The following DLGAP2 variants were observed in gnomAD, a reference collection of about 807,000 sequenced individuals.
DLGAP2 encodes DLG associated protein 2, also known as disks large-associated protein 2.
Under a neutral mutation model 100.3 loss-of-function variants are expected in DLGAP2, and 26 were observed. That is an observed-to-expected ratio of 0.26 (90% confidence interval 0.19 to 0.36). The LOEUF is 0.36. Ranked by LOEUF, DLGAP2 falls within the 10% of genes least tolerant of loss-of-function variation. The pLI, the probability that DLGAP2 is intolerant of heterozygous loss-of-function variation, is 1.00. For missense variants in DLGAP2, 1,858 were observed against 1,453.2 expected (o/e 1.28, Z -4.53); for synonymous variants, 886 against 630.1 (o/e 1.41, Z -6.08).
intron 2 of DLGAP2, among the ~76,000 whole-genome samples, chr8:1,012,880 T>C (rs1478315341): frequency 2.0e-5 from 3 of 152,034 alleles, no homozygotes; most frequent in Non-Finnish European, 4.4e-5. Flanking sequence ...CTGAGACCAC[T>C]GTCCCATGAG....
Position 737,637 on chromosome 8 carries a change from G to T in DLGAP2, c.-171G>T. The stretch of plus-strand genomic sequence containing the variant: ...CAGGCGCCGGCCGTGAAGACCGACC[G>T]TGCGCCGGGCTCGAGCGCGGTCTGA... On this transcript the variant is annotated 5_prime_UTR_variant, in exon 1 of 15. Coordinates refer to ENST00000637795, the MANE Select transcript of DLGAP2 (RefSeq NM_001346810.2). 2.9e-6 allele frequency: 1 copy of T among 346,576 alleles called. No individual in the cohort carries two copies. Among genetic ancestry groups the T allele is most frequent in the Non-Finnish European group, 5.2e-6 (1 of 192,786 alleles). The allele number at this position is 346,576 out of a possible 1,614,324, so 21.5% of individuals were successfully genotyped here.
chr8:1,243,539 C>CT (rs1186948122), intron 2 of DLGAP2, among the ~76,000 whole-genome samples: 1 of 152,200 alleles, frequency 6.6e-6, no homozygotes, highest in East Asian at 1.9e-4. Flanking sequence ...CTCGTTTCCT[C>CT]TTATTTTTTC....
chr8:1,372,533 G>C (rs1802267007), intron 3 of DLGAP2, among the ~76,000 whole-genome samples: 1 of 152,152 alleles, frequency 6.6e-6, no homozygotes, highest in Non-Finnish European at 1.5e-5. Context: ...GCACCGTCTT[G>C]TGTATTGCAG....
At chr8:1,124,299 T>A (rs1585082646) in intron 2 of DLGAP2, among the ~76,000 whole-genome samples, 1 of 151,954 alleles carries the variant, frequency 6.6e-6, no homozygotes, top group Admixed American at 6.6e-5. Context: ...GGCTCCAGGG[T>A]TTCTGCTTCC....
At position 1,017,357 on chromosome 8, in the gene DLGAP2, A is replaced by G. The variant is rs867997901; in HGVS notation, c.73+109391A>G. 2.6e-3 allele frequency among the ~76,000 whole-genome samples: 5 copies of G among 1,906 alleles called. 1 individual carries two copies. Among genetic ancestry groups the G allele is most frequent in the African/African-American group, 7.4e-3 (1 of 136 alleles). 1.3% of individuals were successfully genotyped at this position (1,906 alleles called of 152,430 possible). A position where few individuals can be genotyped will look rare whatever the true frequency, so the allele number is the denominator to read the frequency against. On this transcript the variant is annotated intron_variant, in intron 2 of 14. Transcript: ENST00000637795. ...ACTGTGTGTGTGACCAGGACAGACGACGCCTCCACTGTGTGTGACCAGGAC... is the reference window on the plus strand; with the variant it reads ...ACTGTGTGTGTGACCAGGACAGACGGCGCCTCCACTGTGTGTGACCAGGAC...
chr8:1,428,103 T>C (rs1172985691), intron 3 of DLGAP2, among the ~76,000 whole-genome samples: 2 of 149,870 alleles, frequency 1.3e-5, no homozygotes, highest in Admixed American at 6.6e-5. Context: ...GTACGCTAAA[T>C]AAAATAAGAG....
chr8:988,615 C>G (rs966401454), intron 2 of DLGAP2, among the ~76,000 whole-genome samples: 1 of 152,136 alleles, frequency 6.6e-6, no homozygotes, highest in Non-Finnish European at 1.5e-5. Flanking sequence ...GGTCTGATGT[C>G]CCACCCCACG....
chr8:898,094 G>T (rs188842609), intron 1 of DLGAP2, among the ~76,000 whole-genome samples: 11 of 152,302 alleles, frequency 7.2e-5, no homozygotes, highest in Admixed American at 7.2e-4. Flanking sequence ...GTAAAAACAT[G>T]TATCAGGTCT....
intron 2 of DLGAP2, among the ~76,000 whole-genome samples, chr8:969,022 G>C (rs558664624): frequency 1.3e-5 from 2 of 152,224 alleles, no homozygotes; most frequent in Non-Finnish European, 2.9e-5. Flanking sequence ...GGCTCAGCTC[G>C]TGTGGGCCAT....
intron 2 of DLGAP2, among the ~76,000 whole-genome samples, chr8:1,186,151 A>C (rs1797498840): frequency 6.6e-6 from 1 of 152,204 alleles, no homozygotes; most frequent in East Asian, 1.9e-4. Flanking sequence ...GTCTGCGGGC[A>C]GAAGGTTTTG....
chr8:1,013,297 G>C (rs1801351036), intron 2 of DLGAP2, among the ~76,000 whole-genome samples: 1 of 152,222 alleles, frequency 6.6e-6, no homozygotes, highest in African/African-American at 2.4e-5. Context: ...GCAGGATACA[G>C]TAGAGCTTTG....
chr8:1,626,081 G>A (rs919935537), intron 6 of DLGAP2, among the ~76,000 whole-genome samples: 4 of 137,112 alleles, frequency 2.9e-5, no homozygotes, highest in Non-Finnish European at 6.0e-5. Context: ...GGCCTGTGGC[G>A]GGTGCTCAGC....
At chr8:1,605,447 C>A (rs1458843897) in intron 6 of DLGAP2, among the ~76,000 whole-genome samples, 1 of 152,190 alleles carries the variant, frequency 6.6e-6, no homozygotes, top group East Asian at 1.9e-4. Flanking sequence ...TTGAAGGAAG[C>A]AGATGATCAC....
intron 2 of DLGAP2, among the ~76,000 whole-genome samples, chr8:1,157,876 C>T (rs148998703): frequency 4.7e-4 from 71 of 152,316 alleles, no homozygotes; most frequent in Non-Finnish European, 7.8e-4. Context: ...TCAGATGCTG[C>T]CGGTGTTCCG....
chr8:769,487 C>T lies in DLGAP2; in HGVS notation c.18+31662C>T, dbSNP rs116732466. On this transcript the variant is annotated intron_variant, in intron 1 of 14. Coordinates refer to ENST00000637795, the MANE Select transcript of DLGAP2 (RefSeq NM_001346810.2). ...AGAAAAATGAAACAATAGAGAATCC[C>T]CATGTAATTTTCCCTTTTAGTGTTG... is the stretch of plus-strand genomic sequence containing the variant. Among the ~76,000 whole-genome samples, 277 of 152,144 alleles carry T rather than the reference C, an allele frequency of 1.8e-3. 1 individual carries two copies. Among genetic ancestry groups the T allele is most frequent in the African/African-American group, 6.5e-3 (271 of 41,516 alleles).
At chr8:831,945 T>A (rs1303246794) in intron 1 of DLGAP2, among the ~76,000 whole-genome samples, 1 of 152,214 alleles carries the variant, frequency 6.6e-6, no homozygotes, top group Non-Finnish European at 1.5e-5. Context: ...TGATTTTGAT[T>A]TGCAGTTCTC....
chr8:1,033,287 T>C (rs1802024500), intron 2 of DLGAP2, among the ~76,000 whole-genome samples: 1 of 152,182 alleles, frequency 6.6e-6, no homozygotes, highest in Non-Finnish European at 1.5e-5. Context: ...AATCCTCTTA[T>C]ACAACTTGCT....
intron 2 of DLGAP2, among the ~76,000 whole-genome samples, chr8:1,222,120 A>G (rs1798325857): frequency 2.6e-5 from 4 of 152,122 alleles, no homozygotes; most frequent in Admixed American, 2.6e-4. Context: ...ATTGCCGGGG[A>G]GCTAGAGCAG....
intron 12 of DLGAP2, among the ~76,000 whole-genome samples, chr8:1,684,799 CAAAAG>C (rs986061827): frequency 2.0e-5 from 3 of 151,966 alleles, no homozygotes; most frequent in African/African-American, 7.3e-5. Flanking sequence ...TTTTCTAAAA[CAAAAG>C]AAATCCTTCC....
Sources: gnomAD v4.1 joint callset for allele counts (sites outside exome capture counted in the v4.1 genomes callset) on GRCh38, gnomAD v4.1.1 for gene constraint, MANE v1.5 for transcripts, NCBI Gene and HGNC (gene_info 2026-07-23, HGNC 2026-07-21) for gene names.